Variants in GALNTL6 observed in about 807,000 individuals in gnomAD.
GALNTL6 encodes polypeptide N-acetylgalactosaminyltransferase like 6.
A neutral mutation model predicts 73.7 loss-of-function variants in GALNTL6; 46 were observed. The observed-to-expected ratio is 0.62, with a 90% CI of 0.49 to 0.80. The LOEUF (loss-of-function observed/expected upper bound fraction) is 0.80, where lower values mean the gene tolerates loss of function less well. Among genes scored for constraint, GALNTL6 ranks in the 30% least tolerant of loss-of-function variants. GALNTL6 has a pLI of 0.00. For missense variants in GALNTL6, 604 were observed against 755.0 expected (o/e 0.80, Z 2.34); for synonymous variants, 259 against 263.7 (o/e 0.98, Z 0.17).
At chr4:172,144,161 C>G (rs944838219) in intron 2 of GALNTL6, among the ~76,000 whole-genome samples, 21 of 152,196 alleles carry the variant, frequency 1.4e-4, no homozygotes, top group African/African-American at 5.1e-4. Flanking sequence ...CTCCACTACT[C>G]TCACAGTGAT....
At chr4:173,020,657 G>T (rs1488608863) in intron 11 of GALNTL6, among the ~76,000 whole-genome samples, 2 of 152,266 alleles carry the variant, frequency 1.3e-5, no homozygotes, top group Admixed American at 1.3e-4. Context: ...GTTTTTCAAG[G>T]TGCTAGCATC....
intron 4 of GALNTL6, among the ~76,000 whole-genome samples, chr4:172,346,754 A>G (rs1741754266): frequency 6.6e-6 from 1 of 152,182 alleles, no homozygotes; most frequent in Admixed American, 6.5e-5. Flanking sequence ...CTGTGACATG[A>G]GTGAATGAAT....
intron 5 of GALNTL6, among the ~76,000 whole-genome samples, chr4:172,403,681 A>T (rs1481779677): frequency 6.6e-6 from 1 of 152,030 alleles, no homozygotes; most frequent in Non-Finnish European, 1.5e-5. Context: ...ACACATATAC[A>T]CATATATTAC....
intron 4 of GALNTL6, among the ~76,000 whole-genome samples, chr4:172,339,257 C>A (rs1257659686): frequency 8.3e-6 from 1 of 121,006 alleles, no homozygotes; most frequent in Admixed American, 8.4e-5. Flanking sequence ...CACACACACA[C>A]CACACACACA....
intron 5 of GALNTL6, among the ~76,000 whole-genome samples, chr4:172,793,114 C>T (rs953940595): frequency 2.6e-5 from 4 of 152,146 alleles, no homozygotes; most frequent in African/African-American, 9.7e-5. Flanking sequence ...ATTTGTACCA[C>T]ATTTGTATTA....
chr4:172,359,128 A>G (rs1434451998), intron 5 of GALNTL6, among the ~76,000 whole-genome samples: 2 of 152,194 alleles, frequency 1.3e-5, no homozygotes, highest in Non-Finnish European at 2.9e-5. Flanking sequence ...CATGGAATCA[A>G]CGTAAATGTC....
chr4:172,962,586 T>C lies in GALNTL6; in HGVS notation c.1371+10328T>C, dbSNP rs552675859. ...AAGGAGAATGCAGACTCGGTGGTTCTTTTTAAGCATTTATGGGAAGGAACC... is the reference window on the plus strand; with the variant it reads ...AAGGAGAATGCAGACTCGGTGGTTCCTTTTAAGCATTTATGGGAAGGAACC... On this transcript the variant is annotated intron_variant, in intron 10 of 12. Transcript: ENST00000506823. Among the ~76,000 whole-genome samples the C allele has an allele frequency of 5.9e-5, 9 of 152,268 alleles. No individual in the cohort carries two copies. The East Asian group carries it at 1.7e-3, about 29-fold the overall frequency.
At chr4:172,887,215 A>G (rs1375309611) in intron 8 of GALNTL6, among the ~76,000 whole-genome samples, 1 of 152,200 alleles carries the variant, frequency 6.6e-6, no homozygotes, top group East Asian at 1.9e-4. Context: ...GTACCACATT[A>G]TCATAATTCA....
intron 2 of GALNTL6, among the ~76,000 whole-genome samples, chr4:172,213,099 C>CTT (rs35896181): frequency 2.8e-4 from 43 of 150,894 alleles, no homozygotes; most frequent in East Asian, 2.2e-3. Context: ...AAGTTTCATC[C>CTT]TTTTTTTTTG....
intron 3 of GALNTL6, among the ~76,000 whole-genome samples, chr4:172,277,366 T>C (rs1738871037): frequency 6.6e-6 from 1 of 152,198 alleles, no homozygotes; most frequent in Non-Finnish European, 1.5e-5. Context: ...CGGAGCTGTC[T>C]TAACACTGGG....
intron 2 of GALNTL6, among the ~76,000 whole-genome samples, chr4:171,886,486 AG>A (rs1296191085): frequency 6.7e-6 from 1 of 149,642 alleles, no homozygotes; most frequent in Non-Finnish European, 1.5e-5. Flanking sequence ...TGAGTAAAAA[AG>A]GATTTCATAT....
At chr4:172,394,651 C>T (rs1206963940) in intron 5 of GALNTL6, among the ~76,000 whole-genome samples, 2 of 152,024 alleles carry the variant, frequency 1.3e-5, no homozygotes, top group African/African-American at 2.4e-5. Context: ...AGGCTGGTCT[C>T]GAACTCCTGA....
intron 2 of GALNTL6, among the ~76,000 whole-genome samples, chr4:172,071,429 C>A (rs1731530895): frequency 9.1e-6 from 1 of 110,092 alleles, no homozygotes; most frequent in South Asian, 2.6e-4. Context: ...CCTGTCAGAA[C>A]CCCTGTGTCT....
intron 2 of GALNTL6, among the ~76,000 whole-genome samples, chr4:171,861,489 T>C (rs1560817554): frequency 1.3e-5 from 2 of 152,212 alleles, no homozygotes; most frequent in Non-Finnish European, 2.9e-5. Context: ...TGTTTTTCAC[T>C]TCTCAAACAC....
At chr4:172,574,122 T>G (rs1736869484) in intron 5 of GALNTL6, among the ~76,000 whole-genome samples, 1 of 152,198 alleles carries the variant, frequency 6.6e-6, no homozygotes. Flanking sequence ...TCGATTTGAC[T>G]TAGATTTCCT....
intron 2 of GALNTL6, among the ~76,000 whole-genome samples, chr4:171,933,596 A>AT (rs1738252480): frequency 6.8e-6 from 1 of 146,944 alleles, no homozygotes. Context: ...TATTTAGACT[A>AT]TTTTATTTCA....
chr4:172,319,878 A>G (rs922817955), intron 4 of GALNTL6, among the ~76,000 whole-genome samples: 2 of 152,162 alleles, frequency 1.3e-5, no homozygotes, highest in Non-Finnish European at 2.9e-5. Flanking sequence ...ATTCAAGGCA[A>G]TTTATGAAAA....
intron 5 of GALNTL6, among the ~76,000 whole-genome samples, chr4:172,633,761 C>T (rs1355789158): frequency 1.3e-5 from 2 of 152,110 alleles, no homozygotes; most frequent in Non-Finnish European, 2.9e-5. Flanking sequence ...GTAATTATCC[C>T]CATGTGTCAA....
intron 2 of GALNTL6, among the ~76,000 whole-genome samples, chr4:172,057,869 G>A (rs1167323751): frequency 3.3e-5 from 5 of 150,726 alleles, no homozygotes; most frequent in Non-Finnish European, 7.4e-5. Flanking sequence ...TTTTTAACAC[G>A]ATTTATTATG....
Sources: allele counts gnomAD v4.1 joint callset (sites outside exome capture counted in the v4.1 genomes callset), GRCh38; gene constraint gnomAD v4.1.1; transcripts MANE v1.5; gene names NCBI Gene and HGNC (gene_info 2026-07-23, HGNC 2026-07-21).